Variants in OSBPL3 observed in about 807,000 individuals in gnomAD.
OSBPL3 encodes oxysterol-binding protein-related protein 3.
In OSBPL3, 65 loss-of-function variants were observed where a neutral mutation model predicts 120.1. The ratio of observed to expected loss-of-function variants is 0.54; its 90% CI spans 0.44 to 0.67. The LOEUF (loss-of-function observed/expected upper bound fraction) is 0.67. Among genes scored for constraint, OSBPL3 ranks in the 30% least tolerant of loss-of-function variants. The pLI is 0.00. For synonymous variants in OSBPL3, 416 were observed against 402.6 expected, an observed-to-expected ratio of 1.03 and a Z score of -0.40; for missense variants, 1,004 against 1,082.1, an observed-to-expected ratio of 0.93 and a Z score of 1.01.
chr7:24,842,651 A>G (rs748620752), intron 12 of OSBPL3, among the ~76,000 whole-genome samples: 54 of 152,350 alleles, frequency 3.5e-4, no homozygotes, highest in Middle Eastern at 6.8e-3. Context: ...ACAAATCACA[A>G]GGCAAAAAAC....
chr7:24,937,036 G>GA lies in OSBPL3; in HGVS notation c.-150+42849dup, dbSNP rs1812508420. Among the ~76,000 whole-genome samples the GA allele has an allele frequency of 6.6e-6, 1 of 152,168 alleles. No homozygotes were observed. Among genetic ancestry groups the GA allele is most frequent in the Non-Finnish European group, 1.5e-5 (1 of 68,032 alleles). On this transcript the variant is annotated intron_variant, in intron 1 of 22. Coordinates refer to ENST00000313367, the MANE Select transcript of OSBPL3 (RefSeq NM_015550.4). This position sits in a 1 kb window ranked among gnomAD's most constrained non-coding sequence, Gnocchi z 4.0. ...ACCCAAGACTGGGTAATTTATAAAG[G>GA]AAAGAGGTTTAATTGACTCACAGTT...
rs747474930 is a variant in OSBPL3 at position 24,870,746 on chromosome 7, T to G, written c.367A>C (p.Ile123Leu). 6.2e-7 allele frequency: 1 copy of G among 1,603,834 alleles called. No individual in the cohort carries two copies. The highest frequency in any genetic ancestry group is 1.7e-5 in the Admixed American group (1 of 60,016). The change falls in exon 5 of 23, where the codon ATC becomes CTC. Residue 123 changes from isoleucine to leucine, a missense_variant. Physicochemically the swap from Ile to Leu is conservative, Grantham distance 5. Around this residue, in one of 4 missense-constraint regions of OSBPL3, gnomAD observed 255 missense variants for 248.7 expected, o/e 1.03. Coordinates refer to ENST00000313367, the MANE Select transcript of OSBPL3 (RefSeq NM_015550.4). ...KCIDLDTEEH[I>L]YHLKVKSEEV... ...AGCAGCCTCACCTTCAGATGGTAGA[T>G]GTGCTCCTCGGTGTCAAGGTCTATG...
chr7:24,903,662 T>G lies in OSBPL3; in HGVS notation c.-149-11041A>C, dbSNP rs531604212. Among the ~76,000 whole-genome samples the G allele has an allele frequency of 2.6e-5, 4 of 152,200 alleles. 1 individual carries two copies. Among genetic ancestry groups the G allele is most frequent in the African/African-American group, 9.6e-5 (4 of 41,518 alleles). On this transcript the variant is annotated intron_variant, in intron 1 of 22. Transcript: ENST00000313367. ...CATCTTCCTTAAAAAAAGAGAAAGT[T>G]GTTTGCTACACATCCACCCCTGTGT...
At chr7:24,887,514 CA>C (rs1804707377) in intron 2 of OSBPL3, among the ~76,000 whole-genome samples, 1 of 152,174 alleles carries the variant, frequency 6.6e-6, no homozygotes, top group Non-Finnish European at 1.5e-5. Context: ...GTCTTTTAGC[CA>C]CTGAAAACAC....
In OSBPL3 at chr7:24,936,033, C is replaced by T. The variant is rs544791541; in HGVS notation, c.-149-43412G>A. Among the ~76,000 whole-genome samples the T allele has an allele frequency of 1.5e-5, 2 of 137,456 alleles. No homozygotes were observed. Among genetic ancestry groups the T allele is most frequent in the East Asian group, 2.2e-4 (1 of 4,462 alleles). The allele number at this position is 137,456 out of a possible 152,430, so 90.2% of individuals were successfully genotyped here. ...TATCTCCTAAAGCTATCCCTCCCCC[C>T]TCCCCAGGAATCTTTTTTTTTTATC... On this transcript the variant is annotated intron_variant, in intron 1 of 22. Coordinates refer to ENST00000313367, the MANE Select transcript of OSBPL3 (RefSeq NM_015550.4). This position sits in a 1 kb window ranked among gnomAD's most constrained non-coding sequence, Gnocchi z 4.2.
At chr7:24,841,695 A>AG in intron 13 of OSBPL3, among the ~76,000 whole-genome samples, 1 of 93,780 alleles carries the variant, frequency 1.1e-5, no homozygotes, top group Non-Finnish European at 2.0e-5. Context: ...ACTATGTCTC[A>AG]AAAAAAAAAA....
In OSBPL3 at chr7:24,938,109, C is replaced by T. The variant is rs73276265; in HGVS notation, c.-150+41777G>A. Among the ~76,000 whole-genome samples, 3,279 of 152,280 alleles carry T rather than the reference C, an allele frequency of 0.022. 55 individuals are homozygous for T. The highest frequency in any genetic ancestry group is 0.054 in the Middle Eastern group (16 of 294). ...TGCTATGGGCTGAAAGTTTCTGTCC[C>T]GCCAAAACTGGTATGTTGAAACCTA... On this transcript the variant is annotated intron_variant, in intron 1 of 22. Coordinates refer to ENST00000313367, the MANE Select transcript of OSBPL3 (RefSeq NM_015550.4). This position sits in a 1 kb window ranked among gnomAD's most constrained non-coding sequence, Gnocchi z 5.8.
rs370868916 is a variant in OSBPL3, at chr7:24,941,192, A to G, written c.-150+38694T>C. ...CAGGTAGATGACCTTTCACATATGT[A>G]TAAGAAATGTTGCCCTGAACCCTGG... On this transcript the variant is annotated intron_variant, in intron 1 of 22. Transcript: ENST00000313367. Among the ~76,000 whole-genome samples, 28 of 152,336 alleles carry G rather than the reference A, an allele frequency of 1.8e-4. 4 individuals carry two copies. Among genetic ancestry groups the G allele is most frequent in the South Asian group, 1.7e-3 (8 of 4,828 alleles).
At chr7:24,864,882 T>C (rs899884060) in intron 7 of OSBPL3, among the ~76,000 whole-genome samples, 1 of 152,098 alleles carries the variant, frequency 6.6e-6, no homozygotes, top group African/African-American at 2.4e-5. Context: ...TTTAAAGAGA[T>C]TATTTGAGAC....
In OSBPL3 at chr7:24,833,099, G is replaced by A. The variant is rs1196339971; in HGVS notation, c.1746+1387C>T. On this transcript the variant is annotated intron_variant, in intron 15 of 22. Coordinates refer to ENST00000313367, the MANE Select transcript of OSBPL3 (RefSeq NM_015550.4). This position sits in a 1 kb window ranked among gnomAD's most constrained non-coding sequence, Gnocchi z 4.4. ...ACTTGCTTAGAAGCTATTTCTAGAAGATTTGCCTTCCTTTTATTCAGCAAA... is the reference window on the plus strand; with the variant it reads ...ACTTGCTTAGAAGCTATTTCTAGAAAATTTGCCTTCCTTTTATTCAGCAAA... Among the ~76,000 whole-genome samples the A allele has an allele frequency of 6.6e-6, 1 of 152,194 alleles. No homozygotes were observed. The highest frequency in any genetic ancestry group is 1.5e-5 in the Non-Finnish European group (1 of 68,024).
At chr7:24,801,199 A>G (rs1792294348) in intron 22 of OSBPL3, among the ~76,000 whole-genome samples, 2 of 142,336 alleles carry the variant, frequency 1.4e-5, no homozygotes, top group African/African-American at 5.4e-5. Flanking sequence ...AGCTAGGATC[A>G]CGGCACTGCA....
In OSBPL3 at chr7:24,850,426, G is replaced by A. The variant is rs79946903; in HGVS notation, c.1159-1250C>T. On this transcript the variant is annotated intron_variant, in intron 11 of 22. Coordinates refer to ENST00000313367, the MANE Select transcript of OSBPL3 (RefSeq NM_015550.4). ...GCATGCAGATTCAGCCTATATGTCT[G>A]TCTTTCTGACTCTTTTCTAAGAAGC... Among the ~76,000 whole-genome samples, 1,162 of 152,294 alleles carry A rather than the reference G, an allele frequency of 7.6e-3. 17 individuals are homozygous for A. The highest frequency in any genetic ancestry group is 0.025 in the African/African-American group (1,057 of 41,552).
chr7:24,855,694 T>C lies in OSBPL3; in HGVS notation c.1028-3060A>G, dbSNP rs1584392649. ...AGAGACCACATTTATATTAATTGTT[T>C]AAGACACAGGATCCCAAAAGTCAGG... is the stretch of plus-strand genomic sequence containing the variant. On this transcript the variant is annotated intron_variant, in intron 10 of 22. Transcript: ENST00000313367. The surrounding 1 kb of genome is among the most constrained non-coding windows in gnomAD (Gnocchi z 4.3). Among the ~76,000 whole-genome samples the C allele has an allele frequency of 1.3e-5, 2 of 152,322 alleles. No homozygotes were observed. The highest frequency in any genetic ancestry group is 1.3e-4 in the Admixed American group (2 of 15,306).
intron 13 of OSBPL3, among the ~76,000 whole-genome samples, chr7:24,841,467 C>T (rs1185119869): frequency 6.6e-6 from 1 of 151,496 alleles, no homozygotes; most frequent in African/African-American, 2.4e-5. Flanking sequence ...GAGGCTGAGG[C>T]GGATGGATCA....
At chr7:24,980,400 A>C (rs1234508303), upstream of OSBPL3, among the ~76,000 whole-genome samples, 2 of 151,908 alleles carry the variant, frequency 1.3e-5, no homozygotes, top group Non-Finnish European at 2.9e-5. Flanking sequence ...GGGACCCCGG[A>C]TTCCGGATGG....
intron 1 of OSBPL3, among the ~76,000 whole-genome samples, chr7:24,910,271 G>A (rs1381099963): frequency 6.6e-6 from 1 of 152,134 alleles, no homozygotes; most frequent in Non-Finnish European, 1.5e-5. Flanking sequence ...GGTCCCAAGA[G>A]TCACTACAGA....
In OSBPL3 at chr7:24,834,552, G is replaced by A. The variant is rs201551833; in HGVS notation, c.1680C>T (p.Cys560=). Residue 560 remains cysteine (C), a synonymous_variant, in exon 15 of 23, where the codon TGC becomes TGT. Transcript: ENST00000313367. This position sits in a 1 kb window ranked among gnomAD's most constrained non-coding sequence, Gnocchi z 5.2. ...GGAGCTCGCTGTACTCCAGCTCCTC[G>A]CAGAGCCTCTGCAGCGTGTTCAGGG... ...NEPLNTLQRL[C]EELEYSELLD... is the part of the protein sequence containing the mutation. 3.7e-6 allele frequency: 6 copies of A among 1,614,142 alleles called. No homozygotes were observed. In the African/African-American group the frequency reaches 6.7e-5, roughly 18 times the overall value.
rs1238055238 is a variant in OSBPL3 at position 24,834,792 on chromosome 7, T to C, written c.1496-56A>G. ...TAAAGCTTTTCATTTTATTCTATTA[T>C]TTTTAATCCACGAATAAAACCTTAC... On this transcript the variant is annotated intron_variant, in intron 14 of 22. Coordinates refer to ENST00000313367, the MANE Select transcript of OSBPL3 (RefSeq NM_015550.4). This position sits in a 1 kb window ranked among gnomAD's most constrained non-coding sequence, Gnocchi z 5.2. The C allele has an allele frequency of 6.9e-7, 1 of 1,446,490 alleles. No individual in the cohort carries two copies. Among genetic ancestry groups the C allele is most frequent in the Non-Finnish European group, 9.2e-7 (1 of 1,082,108 alleles). The allele number at this position is 1,446,490 out of a possible 1,614,324, so 89.6% of individuals were successfully genotyped here.
At position 24,851,188 on chromosome 7, in the gene OSBPL3, G is replaced by GA. The variant is rs1194383166; in HGVS notation, c.1158+1315_1158+1316insT. 2.6e-5 allele frequency among the ~76,000 whole-genome samples: 4 copies of GA among 151,380 alleles called. No homozygotes were observed. Among genetic ancestry groups the GA allele is most frequent in the South Asian group, 2.1e-4 (1 of 4,756 alleles). ...TTAATGAGAACAATAAGAAAGTTAG[G>GA]GAAAAAAAACAAAAACACTTTGCTT... On this transcript the variant is annotated intron_variant, in intron 11 of 22. Transcript: ENST00000313367. This position sits in a 1 kb window ranked among gnomAD's most constrained non-coding sequence, Gnocchi z 4.1.
Sources: gnomAD v4.1 joint callset for allele counts (sites outside exome capture counted in the v4.1 genomes callset) on GRCh38, gnomAD v4.1.1 for gene constraint, gnomAD v4.1.1 regional missense constraint, Gnocchi (gnomAD v3.1) non-coding constraint, MANE v1.5 for transcripts, NCBI Gene and HGNC (gene_info 2026-07-23, HGNC 2026-07-21) for gene names.